Variants in NINL observed in about 807,000 individuals in gnomAD.
The protein encoded by NINL is ninein like, also known as ninein-like protein.
Under a neutral mutation model 160.3 loss-of-function variants are expected in NINL, and 153 were observed. The ratio of observed to expected loss-of-function variants is 0.95; its 90% CI spans 0.84 to 1.09. NINL has a LOEUF of 1.09. NINL is among the 50% of genes least tolerant of loss of function. The pLI, the probability that NINL is intolerant of heterozygous loss-of-function variation, is 0.00. For synonymous variants in NINL, 800 were observed against 734.8 expected (o/e 1.09, Z -1.43); for missense variants, 1,829 against 1,764.0 (o/e 1.04, Z -0.66).
intron 1 of NINL, among the ~76,000 whole-genome samples, chr20:25,556,265 C>T (rs889577928): frequency 2.0e-5 from 3 of 151,970 alleles, no homozygotes; most frequent in African/African-American, 7.3e-5. Flanking sequence ...GCCTGGGTGA[C>T]AGAGCAAGAC....
intron 18 of NINL, 93 bp from the exon 19 acceptor site, chr20:25,467,551 T>A: frequency 1.0e-6 from 1 of 963,366 alleles, no homozygotes; most frequent in East Asian, 2.4e-5. Flanking sequence ...AGCATGGGGG[T>A]TTGTAGCCAC....
At position 25,476,347 on chromosome 20, in the gene NINL, G is replaced by A. The variant is rs971324564; in HGVS notation, c.2944C>T (p.Arg982Ter). 3.1e-6 allele frequency: 5 copies of A among 1,612,102 alleles called. No individual in the cohort carries two copies. Among genetic ancestry groups the A allele is most frequent in the Admixed American group, 3.3e-5 (2 of 60,004 alleles). The change falls in exon 17 of 24, where the codon CGA becomes TGA. Residue 982 changes from arginine to a stop codon, truncating the protein, a stop_gained. Coordinates refer to ENST00000278886, the MANE Select transcript of NINL (RefSeq NM_025176.6). LOFTEE classifies it high-confidence loss of function. ...GTGCCCCTGCTCCAGCTTCGTGCTC[G>A]CTCTTCCTGAATGGCCTGTAGCCTC... Reference protein sequence around the residue: ...AERLQAIQEERARSWSRGTQE... With the variant: ...AERLQAIQEE
chr20:25,566,680 G>T (rs564711217), intron 1 of NINL, among the ~76,000 whole-genome samples: 1 of 152,306 alleles, frequency 6.6e-6, no homozygotes, highest in East Asian at 1.9e-4. Context: ...TGTAATCCCA[G>T]TGCTTTGGGA....
intron 17 of NINL, among the ~76,000 whole-genome samples, chr20:25,474,548 C>T (rs1432930623): frequency 1.3e-5 from 2 of 151,990 alleles, no homozygotes; most frequent in Non-Finnish European, 2.9e-5. Flanking sequence ...AATGAAGGAA[C>T]ATTTAAGATA....
intron 3 of NINL, among the ~76,000 whole-genome samples, chr20:25,517,476 C>A (rs1057159795): frequency 2.0e-5 from 3 of 152,234 alleles, no homozygotes; most frequent in African/African-American, 7.2e-5. Context: ...GTCCCAGCAG[C>A]CCTGTCCCTG....
At chr20:25,513,984 A>T (rs1311373815) in intron 3 of NINL, among the ~76,000 whole-genome samples, 3 of 152,240 alleles carry the variant, frequency 2.0e-5, no homozygotes, top group African/African-American at 7.2e-5. Context: ...CCAGGAGTGG[A>T]GCATTGCTAC....
intron 1 of NINL, among the ~76,000 whole-genome samples, chr20:25,561,674 T>C (rs1223701089): frequency 1.4e-5 from 2 of 147,660 alleles, no homozygotes; most frequent in African/African-American, 5.1e-5. Context: ...GGGGAGCGCC[T>C]CTGCCCCGCC....
At chr20:25,524,534 C>A (rs1045322414) in intron 2 of NINL, among the ~76,000 whole-genome samples, 2 of 152,118 alleles carry the variant, frequency 1.3e-5, no homozygotes, top group African/African-American at 4.8e-5. Flanking sequence ...CTCATCCCCT[C>A]CCCACACACA....
At chr20:25,506,615 T>C (rs375768605) in intron 5 of NINL, among the ~76,000 whole-genome samples, 1 of 152,202 alleles carries the variant, frequency 6.6e-6, no homozygotes, top group African/African-American at 2.4e-5. Context: ...TCAGAACACA[T>C]TAACCAACAG....
At chr20:25,462,303 T>G in intron 20 of NINL, 80 bp downstream of exon 20, 1 of 1,364,910 alleles carries the variant, frequency 7.3e-7, no homozygotes, top group Non-Finnish European at 1.0e-6. Context: ...CCTCAGCGCG[T>G]GTCCTGACCT....
At chr20:25,461,658 A>G in intron 20 of NINL, 23 bp from the exon 21 acceptor site, 1 of 1,463,130 alleles carries the variant, frequency 6.8e-7, no homozygotes, top group Non-Finnish European at 9.6e-7. Flanking sequence ...AATCAATTGC[A>G]CAAGTCAAGA....
intron 21 of NINL, among the ~76,000 whole-genome samples, chr20:25,461,257 T>A (rs1247595715): frequency 6.6e-6 from 1 of 152,202 alleles, no homozygotes; most frequent in African/African-American, 2.4e-5. Context: ...CTCCATTCTG[T>A]GGAGGGCTCA....
intron 1 of NINL, among the ~76,000 whole-genome samples, chr20:25,538,054 G>A (rs993621623): frequency 6.6e-6 from 1 of 152,142 alleles, no homozygotes; most frequent in African/African-American, 2.4e-5. Flanking sequence ...TGGCTTATCT[G>A]GGTGAAAGAC....
At chr20:25,555,409 A>G (rs1476286937) in intron 1 of NINL, among the ~76,000 whole-genome samples, 2 of 152,264 alleles carry the variant, frequency 1.3e-5, no homozygotes, top group African/African-American at 4.8e-5. Flanking sequence ...TATACCATGG[A>G]TAATGTTCCA....
At chr20:25,569,219 C>A (rs1327915503) in intron 1 of NINL, among the ~76,000 whole-genome samples, 1 of 143,494 alleles carries the variant, frequency 7.0e-6, no homozygotes, top group African/African-American at 2.6e-5. Context: ...CAGAGCGAGA[C>A]TCTGTCTCAA....
intron 1 of NINL, among the ~76,000 whole-genome samples, chr20:25,561,516 C>T (rs1455083958): frequency 2.0e-5 from 3 of 150,920 alleles, no homozygotes; most frequent in Non-Finnish European, 3.0e-5. Context: ...GTGAGGAGCC[C>T]CTCTGCCTGG....
At chr20:25,535,568 T>G (rs752046584) in intron 1 of NINL, among the ~76,000 whole-genome samples, 22 of 152,140 alleles carry the variant, frequency 1.4e-4, no homozygotes, top group Non-Finnish European at 2.9e-4. Flanking sequence ...GGGGGAGAAG[T>G]TCTAGAGATC....
At chr20:25,505,162 C>G in intron 5 of NINL, 84 bp from the exon 6 acceptor site, 1 of 1,290,486 alleles carries the variant, frequency 7.7e-7, no homozygotes. Context: ...GACGTTCTGC[C>G]CTTTCCAACA....
In NINL at chr20:25,469,980, G is replaced by A. The variant is rs775693740; in HGVS notation, c.3353+11C>T. ...ACCCCCAGAAGGTCTGGGTAGGGGC[G>A]TGGCCCTTACCTCTGTGCATCGTGA... On this transcript the variant is annotated intron_variant, in intron 18 of 23. Coordinates refer to ENST00000278886, the MANE Select transcript of NINL (RefSeq NM_025176.6). 8.1e-6 allele frequency: 13 copies of A among 1,596,068 alleles called. No homozygotes were observed. The highest frequency in any genetic ancestry group is 5.5e-5 in the South Asian group (5 of 90,728).
Sources: gnomAD v4.1 joint callset for allele counts (sites outside exome capture counted in the v4.1 genomes callset) on GRCh38, gnomAD v4.1.1 for gene constraint, MANE v1.5 for transcripts, NCBI Gene and HGNC (gene_info 2026-07-23, HGNC 2026-07-21) for gene names.